DISC1: variants seen among roughly 807,000 people sequenced by gnomAD.
DISC1 encodes the protein disrupted in schizophrenia 1 protein.
DISC1 carries 57 observed loss-of-function variants against 84.5 expected under a neutral mutation model. That is an observed-to-expected ratio of 0.67 (90% confidence interval 0.55 to 0.84). The LOEUF (loss-of-function observed/expected upper bound fraction) is 0.84. Ranked by LOEUF, DISC1 falls within the 40% of genes least tolerant of loss-of-function variation. DISC1 has a pLI of 0.00. For synonymous variants in DISC1, 411 were observed against 415.2 expected (o/e 0.99, Z 0.12); for missense variants, 1,000 against 1,057.8 (o/e 0.95, Z 0.76).
intron 7 of DISC1, among the ~76,000 whole-genome samples, chr1:231,796,517 G>C (rs1156780134): frequency 6.6e-6 from 1 of 151,996 alleles, no homozygotes; most frequent in African/African-American, 2.4e-5. Context: ...GGGATGTGAT[G>C]TTGGCAAAAA....
chr1:231,848,193 C>A (rs2083600765), intron 9 of DISC1, among the ~76,000 whole-genome samples: 1 of 152,174 alleles, frequency 6.6e-6, no homozygotes, highest in Non-Finnish European at 1.5e-5. Flanking sequence ...TGCCGCCTTT[C>A]TTCCCTGTCC....
At chr1:231,803,095 G>T (rs142060373) in intron 8 of DISC1, among the ~76,000 whole-genome samples, 47 of 152,228 alleles carry the variant, frequency 3.1e-4, no homozygotes, top group Middle Eastern at 6.8e-3. Context: ...TACAATTTGG[G>T]CAGGGCTTGG....
intron 1 of DISC1, among the ~76,000 whole-genome samples, chr1:231,681,100 G>A (rs1444207669): frequency 6.6e-6 from 1 of 152,208 alleles, no homozygotes; most frequent in Non-Finnish European, 1.5e-5. Context: ...CAGCACCCTT[G>A]AGGGGGGCTC....
chr1:231,818,369 T>G lies in DISC1; in HGVS notation c.1833T>G (p.Ile611Met). 1 of 1,614,038 alleles carries G rather than the reference T, an allele frequency of 6.2e-7. No homozygotes were observed. Residue 611 changes from isoleucine to methionine, a missense_variant, in exon 9 of 13, where the codon ATT (isoleucine) becomes ATG (methionine). Ile to Met is a conservative substitution (Grantham distance 10). This residue lies in a region of DISC1 where 397 missense variants were observed against 377.5 expected (regional missense o/e 1.05). Coordinates refer to ENST00000439617, the MANE Select transcript of DISC1 (RefSeq NM_018662.3). Reference sequence around the variant, plus strand: ...CGGCTAAAGACCTCACCGAGGAGATTAGATCATTAACATCAGAGAGAGAAG... The same window carrying G: ...CGGCTAAAGACCTCACCGAGGAGATGAGATCATTAACATCAGAGAGAGAAG... ...FWTAKDLTEE[I>M]RSLTSEREGL...
Position 231,991,451 on chromosome 1 carries a change from G to A in DISC1, c.2043-17334G>A, listed in dbSNP as rs191246498. On this transcript the variant is annotated intron_variant, in intron 10 of 12. Coordinates refer to ENST00000439617, the MANE Select transcript of DISC1 (RefSeq NM_018662.3). Reference sequence around the variant, plus strand: ...TTAAAATTCCTTGGCTGCCCTTAGTGTGGCATGTGTTTCCATTTATCCTAT... The same window carrying A: ...TTAAAATTCCTTGGCTGCCCTTAGTATGGCATGTGTTTCCATTTATCCTAT... Among the ~76,000 whole-genome samples, 230 of 152,290 alleles carry A rather than the reference G, an allele frequency of 1.5e-3. 4 individuals are homozygous for A. The South Asian group carries it at 0.016, about 11-fold the overall frequency.
chr1:231,731,709 T>C lies in DISC1; in HGVS notation c.1118-18217T>C, dbSNP rs74864982. Among the ~76,000 whole-genome samples the C allele has an allele frequency of 2.1e-3, 314 of 152,342 alleles. 12 individuals carry two copies. In the East Asian group the frequency reaches 0.054, roughly 26 times the overall value. On this transcript the variant is annotated intron_variant, in intron 3 of 12. Transcript: ENST00000439617. ...AACTGAGAAGTGCCACCAAGAGATA[T>C]AGTCTATTCAGTTTTTCCAAAAGCT...
intron 9 of DISC1, chr1:231,944,849 G>A (rs558370359): frequency 1.3e-5 from 2 of 152,218 alleles, no homozygotes; most frequent in South Asian, 4.2e-4. Flanking sequence ...ACAAAGAAGG[G>A]CATTACATAA....
At chr1:231,859,732 A>G (rs79346666) in intron 9 of DISC1, among the ~76,000 whole-genome samples, 40 of 152,274 alleles carry the variant, frequency 2.6e-4, no homozygotes, top group African/African-American at 9.4e-4. Flanking sequence ...TTTCTTTTGC[A>G]TTATGACTGA....
chr1:231,891,068 T>A (rs772631349), intron 9 of DISC1, among the ~76,000 whole-genome samples: 2 of 152,186 alleles, frequency 1.3e-5, no homozygotes, highest in Admixed American at 6.5e-5. Context: ...TGCTTCCTTG[T>A]CCTCTGGCTG....
At chr1:231,637,857 C>T (rs1320356711) in intron 1 of DISC1, among the ~76,000 whole-genome samples, 1 of 152,194 alleles carries the variant, frequency 6.6e-6, no homozygotes, top group African/African-American at 2.4e-5. Context: ...GGTAGATACA[C>T]AATAGTAGGA....
intron 9 of DISC1, among the ~76,000 whole-genome samples, chr1:231,914,506 G>C (rs1371650837): frequency 6.6e-6 from 1 of 152,208 alleles, no homozygotes; most frequent in Non-Finnish European, 1.5e-5. Context: ...ATGTGGGAAG[G>C]AAAATAGCCA....
chr1:231,771,101 C>T (rs16854940), intron 6 of DISC1, 31 bp downstream of exon 6: 67,406 of 1,542,408 alleles, frequency 0.044, 2,910 homozygotes, highest in East Asian at 0.22. Context: ...GATTTTGGGT[C>T]GCTCGCCTCT....
At chr1:231,917,416 G>T (rs1345006033) in intron 9 of DISC1, among the ~76,000 whole-genome samples, 1 of 152,198 alleles carries the variant, frequency 6.6e-6, no homozygotes, top group African/African-American at 2.4e-5. Context: ...GAAGCGAAGC[G>T]ATCACTCTTA....
intron 12 of DISC1, 37 bp from the exon 13 acceptor site, chr1:232,036,655 G>T: frequency 6.6e-7 from 1 of 1,517,000 alleles, no homozygotes; most frequent in South Asian, 1.3e-5. Flanking sequence ...AGAGGGCCAC[G>T]ATCACCTTCG....
intron 1 of DISC1, among the ~76,000 whole-genome samples, chr1:231,690,550 C>T (rs1176580880): frequency 6.6e-6 from 1 of 152,202 alleles, no homozygotes; most frequent in Non-Finnish European, 1.5e-5. Context: ...TATTTGTCTT[C>T]AAGGTCTGAA....
In DISC1 at chr1:231,826,434, TA is replaced by T. The variant is rs1270886577; in HGVS notation, c.1981+7918del. Among the ~76,000 whole-genome samples the T allele has an allele frequency of 6.6e-6, 1 of 152,094 alleles. No homozygotes were observed. The highest frequency in any genetic ancestry group is 2.4e-5 in the African/African-American group (1 of 41,450). On this transcript the variant is annotated intron_variant, in intron 9 of 12. Coordinates refer to ENST00000439617, the MANE Select transcript of DISC1 (RefSeq NM_018662.3). The surrounding 1 kb of genome is among the most constrained non-coding windows in gnomAD (Gnocchi z 4.2). ...ATGTTGAACATCCTGAAAAGACGGG[TA>T]TTTTTTTTTCATTTTTGAAGTTTTC...
chr1:231,847,572 G>A (rs891056084), intron 9 of DISC1, among the ~76,000 whole-genome samples: 5 of 152,230 alleles, frequency 3.3e-5, no homozygotes, highest in Non-Finnish European at 5.9e-5. Context: ...AGACCTCACC[G>A]GACCCTTCTC....
At chr1:231,735,630 A>G (rs2125225189) in intron 3 of DISC1, among the ~76,000 whole-genome samples, 2 of 152,256 alleles carry the variant, frequency 1.3e-5, no homozygotes, top group South Asian at 4.1e-4. Flanking sequence ...ATTTTCTCGA[A>G]CTTTCTATAA....
chr1:231,724,158 T>C, intron 3 of DISC1: 1 of 471,854 alleles, frequency 2.1e-6, no homozygotes, highest in Non-Finnish European at 2.8e-6. Flanking sequence ...GCATGCTCAA[T>C]TGTCATATCC....
Sources: gnomAD v4.1 joint callset for allele counts (sites outside exome capture counted in the v4.1 genomes callset) on GRCh38, gnomAD v4.1.1 for gene constraint, gnomAD v4.1.1 regional missense constraint, Gnocchi (gnomAD v3.1) non-coding constraint, MANE v1.5 for transcripts, NCBI Gene and HGNC (gene_info 2026-07-23, HGNC 2026-07-21) for gene names.